Variants in CDKL2 observed in about 807,000 individuals in gnomAD.
CDKL2 encodes the protein cyclin dependent kinase like 2.
In CDKL2, 64 loss-of-function variants were observed where a neutral mutation model predicts 63.9. The ratio of observed to expected loss-of-function variants is 1.00; its 90% confidence interval spans 0.82 to 1.23. CDKL2 has a LOEUF of 1.23. Among genes scored for constraint, CDKL2 ranks in the 50% most tolerant of loss-of-function variants. The pLI, the probability that CDKL2 is intolerant of heterozygous loss-of-function variation, is 0.00. For missense variants in CDKL2, 656 were observed against 668.0 expected (o/e 0.98, Z 0.20); for synonymous variants, 211 against 229.2 (o/e 0.92, Z 0.72).
At chr4:75,626,483 G>C (rs941592743) in intron 1 of CDKL2, among the ~76,000 whole-genome samples, 1 of 152,028 alleles carries the variant, frequency 6.6e-6, no homozygotes, top group Non-Finnish European at 1.5e-5. Flanking sequence ...TGGCTAACAC[G>C]GTGAAACCCC....
intron 6 of CDKL2, among the ~76,000 whole-genome samples, chr4:75,600,874 T>C (rs1578330309): frequency 1.3e-5 from 2 of 152,192 alleles, no homozygotes; most frequent in East Asian, 1.9e-4. Flanking sequence ...AGTGTCTCTA[T>C]ATGGAAATAC....
At chr4:75,581,789 A>G (rs1252334375) in intron 13 of CDKL2, 21 bp downstream of exon 13, 5 of 1,372,816 alleles carry the variant, frequency 3.6e-6, no homozygotes, top group Middle Eastern at 1.8e-4. Flanking sequence ...CACAGCTTTA[A>G]GTATGGGAAA....
chr4:75,629,320 C>T lies in CDKL2; in HGVS notation c.-30+722G>A, dbSNP rs577883374. ...ATGTCTGAGGTGTTCTGAAGCATAT[C>T]CCAAGCTAACATTAATGCAAGTTGA... On this transcript the variant is annotated intron_variant, in intron 1 of 13. Transcript: ENST00000307465. Among the ~76,000 whole-genome samples the T allele has an allele frequency of 2.6e-5, 4 of 152,294 alleles. No individual in the cohort carries two copies. In the South Asian group the frequency reaches 8.3e-4, roughly 32 times the overall value.
intron 12 of CDKL2, among the ~76,000 whole-genome samples, chr4:75,587,506 T>C (rs928419042): frequency 4.6e-5 from 7 of 152,058 alleles, no homozygotes; most frequent in African/African-American, 1.7e-4. Flanking sequence ...AACAACGTCA[T>C]GCCAACAAAT....
chr4:75,584,817 G>C (rs993453690), intron 12 of CDKL2, among the ~76,000 whole-genome samples: 7 of 152,172 alleles, frequency 4.6e-5, no homozygotes, highest in Admixed American at 6.5e-5. Context: ...AAAATGGTGT[G>C]CAATTTAAAA....
At chr4:75,591,245 C>G (rs1301326034) in intron 12 of CDKL2, among the ~76,000 whole-genome samples, 1 of 152,062 alleles carries the variant, frequency 6.6e-6, no homozygotes, top group Non-Finnish European at 1.5e-5. Flanking sequence ...ACCCCAGTAG[C>G]TAACAAAAAC....
At chr4:75,629,559 A>G (rs1165412514) in intron 1 of CDKL2, among the ~76,000 whole-genome samples, 1 of 152,254 alleles carries the variant, frequency 6.6e-6, no homozygotes. Context: ...AACCTGGCCA[A>G]TGGGCAAGGT....
chr4:75,604,043 G>T, intron 5 of CDKL2, 87 bp from the exon 6 acceptor site: 1 of 1,271,318 alleles, frequency 7.9e-7, no homozygotes, highest in Non-Finnish European at 1.1e-6. Flanking sequence ...AGAGGAAATA[G>T]TGGAACACAG....
At chr4:75,617,777 C>CCA (rs1344626749) in intron 2 of CDKL2, among the ~76,000 whole-genome samples, 1 of 152,150 alleles carries the variant, frequency 6.6e-6, no homozygotes, top group African/African-American at 2.4e-5. Context: ...GCAAAGATTT[C>CCA]CACAGTAGCT....
rs547104920 is a variant in CDKL2, at chr4:75,593,284, C to A, written c.1417-1015G>T. ...AAATTTAAAAATGAGTTTAAACTAC[C>A]AGATTAACATATTCAAAGAGTGAAA... On this transcript the variant is annotated intron_variant, in intron 10 of 13. Coordinates refer to ENST00000307465, the MANE Select transcript of CDKL2 (RefSeq NM_001330724.2). Among the ~76,000 whole-genome samples, 8 of 151,598 alleles carry A rather than the reference C, an allele frequency of 5.3e-5. No homozygotes were observed. In the South Asian group the frequency reaches 1.7e-3, roughly 32 times the overall value.
At chr4:75,629,436 C>T (rs960348592) in intron 1 of CDKL2, among the ~76,000 whole-genome samples, 3 of 152,176 alleles carry the variant, frequency 2.0e-5, no homozygotes, top group Admixed American at 6.5e-5. Flanking sequence ...TCCACAAATA[C>T]TTTAAAAGTA....
At chr4:75,622,370 A>G (rs1257535602) in intron 2 of CDKL2, among the ~76,000 whole-genome samples, 1 of 152,188 alleles carries the variant, frequency 6.6e-6, no homozygotes, top group African/African-American at 2.4e-5. Flanking sequence ...TAAAAAGTAT[A>G]TATCATATAA....
At chr4:75,580,947 G>A (rs578098041) in intron 13 of CDKL2, among the ~76,000 whole-genome samples, 77 of 152,026 alleles carry the variant, frequency 5.1e-4, no homozygotes, top group South Asian at 4.6e-3. Context: ...TGATCCGCCC[G>A]CCTCAGCCTC....
rs553155594 is a variant in CDKL2 at position 75,616,024 on chromosome 4, C to T, written c.169-1575G>A. Among the ~76,000 whole-genome samples, 8 of 152,040 alleles carry T rather than the reference C, an allele frequency of 5.3e-5. No individual in the cohort carries two copies. The South Asian group carries it at 1.7e-3, about 32-fold the overall frequency. On this transcript the variant is annotated intron_variant, in intron 2 of 13. Coordinates refer to ENST00000307465, the MANE Select transcript of CDKL2 (RefSeq NM_001330724.2). ...TGAAACAAAATGAAAAAACAAAACA[C>T]TAAAGTAAATAAGATATTTTCTAAA...
chr4:75,619,416 T>G (rs1271632309), intron 2 of CDKL2, among the ~76,000 whole-genome samples: 1 of 151,696 alleles, frequency 6.6e-6, no homozygotes, highest in Non-Finnish European at 1.5e-5. Flanking sequence ...TTGCCAATAG[T>G]GAAAAAATTC....
chr4:75,582,930 CA>C (rs1460644595), intron 12 of CDKL2, among the ~76,000 whole-genome samples: 1 of 152,078 alleles, frequency 6.6e-6, no homozygotes, highest in East Asian at 1.9e-4. Context: ...TATGTCAACC[CA>C]AATTCCATAT....
At chr4:75,598,581 CTT>C (rs546188489) in intron 7 of CDKL2, among the ~76,000 whole-genome samples, 437 of 117,502 alleles carry the variant, frequency 3.7e-3, no homozygotes, top group African/African-American at 0.012. Flanking sequence ...TTCTCAGTTG[CTT>C]TTTTTTTTTA....
chr4:75,588,647 T>C (rs1436172426), intron 12 of CDKL2, among the ~76,000 whole-genome samples: 3 of 152,170 alleles, frequency 2.0e-5, no homozygotes, highest in Non-Finnish European at 4.4e-5. Flanking sequence ...AAACTCACAG[T>C]AAATGTGTAT....
At chr4:75,599,867 A>G (rs1026431552) in intron 7 of CDKL2, among the ~76,000 whole-genome samples, 8 of 152,202 alleles carry the variant, frequency 5.3e-5, no homozygotes, top group African/African-American at 1.9e-4. Flanking sequence ...TTGGCATATC[A>G]AGGTCTCCAA....
Sources: gnomAD v4.1 joint callset for allele counts (sites outside exome capture counted in the v4.1 genomes callset) on GRCh38, gnomAD v4.1.1 for gene constraint, MANE v1.5 for transcripts, NCBI Gene and HGNC (gene_info 2026-07-23, HGNC 2026-07-21) for gene names.